ZMIZ1: variants seen among roughly 807,000 people sequenced by gnomAD.
ZMIZ1 encodes zinc finger MIZ domain-containing protein 1.
Under a neutral mutation model 113.9 loss-of-function variants are expected in ZMIZ1, and 17 were observed. The ratio of observed to expected loss-of-function variants is 0.15; its 90% CI spans 0.10 to 0.22. ZMIZ1 has a LOEUF of 0.22. Ranked by LOEUF, ZMIZ1 falls within the 10% of genes least tolerant of loss-of-function variation. ZMIZ1 has a pLI of 1.00. For synonymous variants in ZMIZ1, 607 were observed against 603.1 expected (o/e 1.01, Z -0.09); for missense variants, 1,059 against 1,477.8 (o/e 0.72, Z 4.65).
chr10:79,298,256 C>G (rs1376699428), intron 14 of ZMIZ1, 150 bp from the exon 15 acceptor site: 18 of 895,552 alleles, frequency 2.0e-5, no homozygotes, highest in Non-Finnish European at 3.0e-5. Flanking sequence ...GGACAGAGAT[C>G]TGCGAGAGAG....
chr10:79,113,948 G>T (rs965302867), intron 1 of ZMIZ1, among the ~76,000 whole-genome samples: 3 of 152,230 alleles, frequency 2.0e-5, no homozygotes, highest in Non-Finnish European at 4.4e-5. Context: ...AATTAAGGGG[G>T]TTCCTGAAGG....
chr10:79,243,314 CGCTTGCGCCCGG>C (rs1849970005), intron 7 of ZMIZ1, among the ~76,000 whole-genome samples: 1 of 150,228 alleles, frequency 6.7e-6, no homozygotes, highest in Admixed American at 6.6e-5. Context: ...GGAGAGCTGT[CGCTTGCGCCCGG>C]GCGCGCGGCT....
intron 1 of ZMIZ1, among the ~76,000 whole-genome samples, chr10:79,111,145 GC>G: frequency 6.6e-6 from 1 of 152,318 alleles, no homozygotes. Context: ...CTTAATGATA[GC>G]TGTTAGGGTC....
chr10:79,201,527 G>C, intron 4 of ZMIZ1, 57 bp from the exon 5 acceptor site: 1 of 1,330,084 alleles, frequency 7.5e-7, no homozygotes, highest in East Asian at 2.4e-5. Context: ...TTGGGAGGCT[G>C]CTCAAGGTTG....
chr10:79,169,561 C>T (rs1846516482), intron 4 of ZMIZ1, among the ~76,000 whole-genome samples: 1 of 152,272 alleles, frequency 6.6e-6, no homozygotes, highest in Non-Finnish European at 1.5e-5. Flanking sequence ...ACTCCTCCAG[C>T]TGCTGCCCAG....
chr10:79,104,947 T>TGGG (rs3222498), intron 1 of ZMIZ1, among the ~76,000 whole-genome samples: 13 of 134,970 alleles, frequency 9.6e-5, no homozygotes, highest in South Asian at 2.6e-4. Flanking sequence ...GTTGTTGTTG[T>TGGG]GGGGTGTGTG....
intron 7 of ZMIZ1, among the ~76,000 whole-genome samples, chr10:79,259,959 T>A (rs1229805249): frequency 6.6e-6 from 1 of 152,182 alleles, no homozygotes; most frequent in Non-Finnish European, 1.5e-5. Flanking sequence ...TCCCCCTCTC[T>A]CCACTCCCCT....
chr10:79,117,915 T>G (rs1415348113), intron 1 of ZMIZ1, among the ~76,000 whole-genome samples: 1 of 152,176 alleles, frequency 6.6e-6, no homozygotes, highest in Non-Finnish European at 1.5e-5. Context: ...CTGCTACACT[T>G]TTTCCACCCC....
chr10:79,214,474 T>C (rs1401316254), intron 6 of ZMIZ1, among the ~76,000 whole-genome samples: 5 of 152,248 alleles, frequency 3.3e-5, no homozygotes, highest in African/African-American at 1.2e-4. Context: ...GGCTCCTCCC[T>C]GATTTAGCAC....
At chr10:79,245,451 C>T (rs1850135528) in intron 7 of ZMIZ1, among the ~76,000 whole-genome samples, 2 of 152,186 alleles carry the variant, frequency 1.3e-5, no homozygotes, top group South Asian at 4.1e-4. Flanking sequence ...GGTGGGTGCC[C>T]AGTGGCTGCT....
chr10:79,240,639 T>G (rs1487389532), intron 7 of ZMIZ1, among the ~76,000 whole-genome samples: 2 of 28,760 alleles, frequency 7.0e-5, no homozygotes, highest in South Asian at 3.6e-3. Flanking sequence ...AGTATTTATC[T>G]TTTTTTTTTT....
chr10:79,174,991 C>T (rs555778197), intron 4 of ZMIZ1, among the ~76,000 whole-genome samples: 6 of 152,310 alleles, frequency 3.9e-5, no homozygotes, highest in South Asian at 4.1e-4. Context: ...TCTCTCTGAG[C>T]GTGAGCTGAG....
rs80346240 is a variant in ZMIZ1 at position 79,258,672 on chromosome 10, A to G, written c.281-18509A>G. On this transcript the variant is annotated intron_variant, in intron 7 of 24. Coordinates refer to ENST00000334512, the MANE Select transcript of ZMIZ1 (RefSeq NM_020338.4). ...ACATAAACCTGTGCCCATCAGTGCA[A>G]CATAGCTTTCAGCACCAACATTCTA... Among the ~76,000 whole-genome samples, 713 of 152,340 alleles carry G rather than the reference A, an allele frequency of 4.7e-3. 34 individuals are homozygous for G. In the East Asian group the frequency reaches 0.1, roughly 22 times the overall value.
chr10:79,126,282 C>T (rs1434723189), intron 2 of ZMIZ1, among the ~76,000 whole-genome samples: 2 of 152,206 alleles, frequency 1.3e-5, no homozygotes, highest in African/African-American at 2.4e-5. Flanking sequence ...AAAGTGGACT[C>T]AGGAAACCAG....
chr10:79,204,777 G>A (rs1848241788), intron 5 of ZMIZ1, among the ~76,000 whole-genome samples: 1 of 152,178 alleles, frequency 6.6e-6, no homozygotes, highest in Non-Finnish European at 1.5e-5. Context: ...TAGATGGGTG[G>A]GTGGGTGGAC....
chr10:79,197,640 AC>A (rs1163058581), intron 4 of ZMIZ1, among the ~76,000 whole-genome samples: 1 of 150,090 alleles, frequency 6.7e-6, no homozygotes, highest in African/African-American at 2.5e-5. Flanking sequence ...ACACACACAC[AC>A]ACCTGTACCC....
At chr10:79,080,623 T>C (rs1315343463) in intron 1 of ZMIZ1, among the ~76,000 whole-genome samples, 1 of 152,134 alleles carries the variant, frequency 6.6e-6, no homozygotes, top group Non-Finnish European at 1.5e-5. Flanking sequence ...GTGTGATTTC[T>C]TGTTTGGTGT....
intron 1 of ZMIZ1, among the ~76,000 whole-genome samples, chr10:79,071,090 C>T (rs927555995): frequency 6.6e-6 from 1 of 152,174 alleles, no homozygotes; most frequent in African/African-American, 2.4e-5. Context: ...CAGCCCAGGG[C>T]ATGGGAGAGT....
intron 7 of ZMIZ1, among the ~76,000 whole-genome samples, chr10:79,252,013 G>A (rs139344583): frequency 2.2e-4 from 34 of 152,282 alleles, no homozygotes; most frequent in African/African-American, 7.9e-4. Context: ...AGTAAGGGCC[G>A]AGCACTTGGC....
Sources: gnomAD v4.1 joint callset for allele counts (sites outside exome capture counted in the v4.1 genomes callset) on GRCh38, gnomAD v4.1.1 for gene constraint, MANE v1.5 for transcripts, NCBI Gene and HGNC (gene_info 2026-07-23, HGNC 2026-07-21) for gene names.